KCNMA1: variants seen among roughly 807,000 people sequenced by gnomAD.
KCNMA1 encodes potassium calcium-activated channel subfamily M alpha 1.
In KCNMA1, 29 loss-of-function variants were observed where a neutral mutation model predicts 140.0. That is an observed-to-expected ratio of 0.21 (90% CI 0.15 to 0.28). KCNMA1 has a LOEUF of 0.28. Ranked by LOEUF, KCNMA1 falls within the 10% of genes least tolerant of loss-of-function variation. The probability of loss-of-function intolerance (pLI) is 1.00; values close to 1 mark genes in which losing one functional copy is unlikely to be tolerated. For synonymous variants in KCNMA1, 612 were observed against 611.9 expected, an observed-to-expected ratio of 1.00 and a Z score of 0.00; for missense variants, 880 against 1,602.2, an observed-to-expected ratio of 0.55 and a Z score of 7.70.
intron 1 of KCNMA1, among the ~76,000 whole-genome samples, chr10:77,489,511 G>A (rs751100296): frequency 6.6e-6 from 1 of 151,980 alleles, no homozygotes; most frequent in African/African-American, 2.4e-5. Context: ...AATTTTGTTT[G>A]TATTTTTAGT....
At chr10:77,116,621 A>G (rs1002303928) in intron 6 of KCNMA1, among the ~76,000 whole-genome samples, 6 of 152,092 alleles carry the variant, frequency 3.9e-5, no homozygotes, top group African/African-American at 1.4e-4. Context: ...GCACCACACT[A>G]ACATAAATGG....
intron 9 of KCNMA1, among the ~76,000 whole-genome samples, chr10:77,098,735 G>T (rs1202356060): frequency 6.6e-6 from 1 of 151,864 alleles, no homozygotes; most frequent in Non-Finnish European, 1.5e-5. Context: ...CCACCATTTA[G>T]GTTTCTTTCT....
At chr10:77,372,899 A>C (rs1248729973) in intron 2 of KCNMA1, 1 of 152,174 alleles carries the variant, frequency 6.6e-6, no homozygotes, top group Non-Finnish European at 1.5e-5. Flanking sequence ...TCATCTGTGG[A>C]GCAATGTTTA....
intron 19 of KCNMA1, among the ~76,000 whole-genome samples, chr10:76,971,877 G>A (rs1281041213): frequency 6.6e-6 from 1 of 152,148 alleles, no homozygotes; most frequent in African/African-American, 2.4e-5. Flanking sequence ...CAAGCAAACA[G>A]GCACTCTGAG....
intron 1 of KCNMA1, among the ~76,000 whole-genome samples, chr10:77,611,985 T>C (rs1567864845): frequency 6.6e-6 from 1 of 152,174 alleles, no homozygotes. Context: ...AGTGACATGA[T>C]TTAAGAAATG....
At chr10:77,587,685 A>G in intron 1 of KCNMA1, 1 of 985,180 alleles carries the variant, frequency 1.0e-6, no homozygotes, top group Non-Finnish European at 1.2e-6. Context: ...GAAGGTACAC[A>G]TCAGATCTGC....
intron 2 of KCNMA1, among the ~76,000 whole-genome samples, chr10:77,334,210 C>T (rs1033234574): frequency 2.4e-4 from 36 of 152,064 alleles, no homozygotes; most frequent in African/African-American, 6.3e-4. Context: ...ATTCGCTCAC[C>T]GCTCTACTCC....
intron 18 of KCNMA1, among the ~76,000 whole-genome samples, chr10:77,009,457 A>G (rs1301621339): frequency 1.3e-5 from 2 of 152,170 alleles, no homozygotes; most frequent in Non-Finnish European, 2.9e-5. Flanking sequence ...GGACATTCCA[A>G]TGTCAGAGCA....
chr10:77,295,292 A>C (rs188315105), intron 2 of KCNMA1, among the ~76,000 whole-genome samples: 153 of 152,114 alleles, frequency 1.0e-3, no homozygotes, highest in African/African-American at 3.6e-3. Context: ...GGTTGCAGTG[A>C]GCCGAGATCA....
chr10:77,325,443 G>C (rs986993258), intron 2 of KCNMA1, among the ~76,000 whole-genome samples: 2 of 152,198 alleles, frequency 1.3e-5, no homozygotes, highest in Non-Finnish European at 2.9e-5. Flanking sequence ...TCTGACTTTG[G>C]GGAGCTCTGG....
chr10:77,397,966 ATAG>A (rs1286853708), intron 2 of KCNMA1, among the ~76,000 whole-genome samples: 1 of 151,920 alleles, frequency 6.6e-6, no homozygotes, highest in Admixed American at 6.6e-5. Flanking sequence ...TTATGGCTGA[ATAG>A]TATCTTATTG....
At chr10:77,536,451 T>C (rs925681163) in intron 1 of KCNMA1, among the ~76,000 whole-genome samples, 1 of 152,172 alleles carries the variant, frequency 6.6e-6, no homozygotes, top group African/African-American at 2.4e-5. Flanking sequence ...ATATCCTCAT[T>C]AGTGACAGTA....
intron 23 of KCNMA1, among the ~76,000 whole-genome samples, chr10:76,925,861 G>A (rs1284050415): frequency 6.6e-6 from 1 of 152,082 alleles, no homozygotes; most frequent in Admixed American, 6.6e-5. Context: ...GTAAAAGATG[G>A]GTTTGCCAAG....
chr10:77,446,738 T>C (rs1167094118), intron 1 of KCNMA1, among the ~76,000 whole-genome samples: 2 of 152,174 alleles, frequency 1.3e-5, no homozygotes, highest in African/African-American at 4.8e-5. Flanking sequence ...AGAAGATAGC[T>C]AGAAAGTAAC....
chr10:76,904,425 G>T (rs1320899480), intron 25 of KCNMA1: 1 of 152,262 alleles, frequency 6.6e-6, no homozygotes, highest in Non-Finnish European at 1.5e-5. Flanking sequence ...CTCTCCATAG[G>T]CTGGCATTCA....
intron 2 of KCNMA1, among the ~76,000 whole-genome samples, chr10:77,311,720 T>C (rs901703976): frequency 2.0e-5 from 3 of 152,218 alleles, no homozygotes; most frequent in Non-Finnish European, 4.4e-5. Flanking sequence ...TGGCCAGTGA[T>C]TGGGAATGGG....
At chr10:77,529,504 C>A (rs1325279248) in intron 1 of KCNMA1, among the ~76,000 whole-genome samples, 4 of 152,162 alleles carry the variant, frequency 2.6e-5, no homozygotes, top group African/African-American at 9.7e-5. Context: ...CTAGACAGAG[C>A]TCCCCACCTC....
Position 77,308,521 on chromosome 10 carries a change from C to T in KCNMA1, c.541-57265G>A, listed in dbSNP as rs761449222. Among the ~76,000 whole-genome samples, 4 of 152,194 alleles carry T rather than the reference C, an allele frequency of 2.6e-5. No individual in the cohort carries two copies. In the South Asian group the frequency reaches 8.3e-4, roughly 31 times the overall value. On this transcript the variant is annotated intron_variant, in intron 2 of 27. Coordinates refer to ENST00000286628, the MANE Select transcript of KCNMA1 (RefSeq NM_001161352.2). Reference sequence around the variant, plus strand: ...CCATTTCATAATGCCTGCTGTGATTCCAGGTAATTCCTCTAAGTGCACTAT... The same window carrying T: ...CCATTTCATAATGCCTGCTGTGATTTCAGGTAATTCCTCTAAGTGCACTAT...
chr10:77,318,061 G>A (rs1021063524), intron 2 of KCNMA1, among the ~76,000 whole-genome samples: 11 of 152,176 alleles, frequency 7.2e-5, no homozygotes, highest in Admixed American at 1.3e-4. Context: ...TTTGTACCCA[G>A]AAAGTGCTAA....
Sources: gnomAD v4.1 joint callset for allele counts (sites outside exome capture counted in the v4.1 genomes callset) on GRCh38, gnomAD v4.1.1 for gene constraint, MANE v1.5 for transcripts, NCBI Gene and HGNC (gene_info 2026-07-23, HGNC 2026-07-21) for gene names.